The following KIRREL3 variants were observed in gnomAD, a reference collection of about 807,000 sequenced individuals.
The protein encoded by KIRREL3 is kirre like nephrin family adhesion molecule 3.
KIRREL3 carries 36 observed loss-of-function variants against 89.7 expected under a neutral mutation model. The ratio of observed to expected loss-of-function variants is 0.40; its 90% confidence interval spans 0.31 to 0.53. The LOEUF (loss-of-function observed/expected upper bound fraction) is 0.53, where lower values mean the gene tolerates loss of function less well. KIRREL3 is among the 20% of genes least tolerant of loss of function. The pLI is 0.49. For missense variants in KIRREL3, 864 were observed against 1,056.6 expected (o/e 0.82, Z 2.53); for synonymous variants, 445 against 441.4 (o/e 1.01, Z -0.10).
At chr11:126,973,592 C>T (rs1187014787) in intron 1 of KIRREL3, among the ~76,000 whole-genome samples, 4 of 152,100 alleles carry the variant, frequency 2.6e-5, no homozygotes, top group African/African-American at 7.2e-5. Context: ...GCAGAAATGG[C>T]GTGAATTTAG....
At position 126,930,220 on chromosome 11, in the gene KIRREL3, G is replaced by A. The variant is rs947449389; in HGVS notation, c.55+70235C>T. Among the ~76,000 whole-genome samples, 14 of 151,700 alleles carry A rather than the reference G, an allele frequency of 9.2e-5. No homozygotes were observed. The South Asian group carries it at 2.3e-3, about 25-fold the overall frequency. ...ACTGTAACTCAGGGTTGTTGTATGC[G>A]TGTGTATTTTTTTTCTTTCCAGATC... On this transcript the variant is annotated intron_variant, in intron 1 of 16. Transcript: ENST00000525144.
intron 1 of KIRREL3, among the ~76,000 whole-genome samples, chr11:126,868,377 G>C (rs891223788): frequency 1.3e-5 from 2 of 152,198 alleles, no homozygotes; most frequent in South Asian, 2.1e-4. Context: ...AGGCTGGAGA[G>C]GGCTCAGGAG....
chr11:127,000,517 C>A lies in KIRREL3; in HGVS notation c.-8G>T. 1.9e-6 allele frequency: 3 copies of A among 1,603,278 alleles called. No homozygotes were observed. Among genetic ancestry groups the A allele is most frequent in the Non-Finnish European group, 2.6e-6 (3 of 1,174,960 alleles). ...GAGCTGGAAGGGTTTCATTCCTTAG[C>A]GCAGCGAAGGAAAGCCGGCGGGGTA... On this transcript the variant is annotated 5_prime_UTR_variant, in exon 1 of 17. Transcript: ENST00000525144. This position sits in a 1 kb window ranked among gnomAD's most constrained non-coding sequence, Gnocchi z 7.1.
intron 1 of KIRREL3, among the ~76,000 whole-genome samples, chr11:126,637,211 C>G (rs1028087097): frequency 1.2e-4 from 19 of 152,220 alleles, no homozygotes; most frequent in Admixed American, 1.2e-3. Flanking sequence ...ATGGAACTTC[C>G]TCACTGGTAT....
At chr11:126,914,964 A>G (rs996224322) in intron 1 of KIRREL3, among the ~76,000 whole-genome samples, 2 of 152,252 alleles carry the variant, frequency 1.3e-5, no homozygotes, top group Admixed American at 1.3e-4. Context: ...ACAACTTGGC[A>G]GATGATGTCA....
chr11:126,736,609 C>G lies in KIRREL3; in HGVS notation c.56-173697G>C, dbSNP rs1238207634. On this transcript the variant is annotated intron_variant, in intron 1 of 16. Transcript: ENST00000525144. The surrounding 1 kb of genome is among the most constrained non-coding windows in gnomAD (Gnocchi z 5.0). ...AGTGGGGGAGTAGGGGTACCTGCTCCTGGCCTCCAGTGAGGAGCCCAGGGT... is the reference window on the plus strand; with the variant it reads ...AGTGGGGGAGTAGGGGTACCTGCTCGTGGCCTCCAGTGAGGAGCCCAGGGT... Among the ~76,000 whole-genome samples, 2 of 152,130 alleles carry G rather than the reference C, an allele frequency of 1.3e-5. No homozygotes were observed. Among genetic ancestry groups the G allele is most frequent in the East Asian group, 3.9e-4 (2 of 5,188 alleles).
At position 126,571,764 on chromosome 11, in the gene KIRREL3, G is replaced by A. The variant is rs1268617902; in HGVS notation, c.56-8852C>T. 6.6e-6 allele frequency among the ~76,000 whole-genome samples: 1 copy of A among 152,150 alleles called. No homozygotes were observed. The highest frequency in any genetic ancestry group is 1.9e-4 in the East Asian group (1 of 5,204). On this transcript the variant is annotated intron_variant, in intron 1 of 16. Coordinates refer to ENST00000525144, the MANE Select transcript of KIRREL3 (RefSeq NM_032531.4). The surrounding 1 kb of genome is among the most constrained non-coding windows in gnomAD (Gnocchi z 7.7). Reference sequence around the variant, plus strand: ...TATAATCCGTTTGTGAGAGGGGTGGGGCGGGGGGATGTTAAATAATGTTGG... The same window carrying A: ...TATAATCCGTTTGTGAGAGGGGTGGAGCGGGGGGATGTTAAATAATGTTGG...
At chr11:126,845,942 GAAAAAACACACAA>G (rs1256286119) in intron 1 of KIRREL3, among the ~76,000 whole-genome samples, 2 of 151,926 alleles carry the variant, frequency 1.3e-5, no homozygotes, top group Non-Finnish European at 1.5e-5. Flanking sequence ...TGTTTGGGGG[GAAAAAACACACAA>G]AAAAAACACA....
chr11:126,886,781 G>A (rs1447412120), intron 1 of KIRREL3, among the ~76,000 whole-genome samples: 1 of 152,148 alleles, frequency 6.6e-6, no homozygotes, highest in Non-Finnish European at 1.5e-5. Flanking sequence ...GTGACCCAGT[G>A]CCAGAATGGG....
chr11:126,670,860 AACAGTCACC>A (rs1223723786), intron 1 of KIRREL3, among the ~76,000 whole-genome samples: 1 of 152,242 alleles, frequency 6.6e-6, no homozygotes, highest in Non-Finnish European at 1.5e-5. Flanking sequence ...AAGGACCTAG[AACAGTCACC>A]ACAATACTAA....
rs1004209355 is a variant in KIRREL3, at chr11:126,827,527, A to G, written c.55+172928T>C. ...GGGGGCATTTTAGATTACCTTAGAGAATGATAATATTGCCTCTTCTAGGGG... is the reference window on the plus strand; with the variant it reads ...GGGGGCATTTTAGATTACCTTAGAGGATGATAATATTGCCTCTTCTAGGGG... On this transcript the variant is annotated intron_variant, in intron 1 of 16. Coordinates refer to ENST00000525144, the MANE Select transcript of KIRREL3 (RefSeq NM_032531.4). Among the ~76,000 whole-genome samples the G allele has an allele frequency of 3.3e-5, 5 of 152,258 alleles. 1 individual carries two copies. Among genetic ancestry groups the G allele is most frequent in the African/African-American group, 9.6e-5 (4 of 41,544 alleles).
intron 1 of KIRREL3, among the ~76,000 whole-genome samples, chr11:126,730,807 C>T (rs534575734): frequency 2.5e-4 from 38 of 152,110 alleles, no homozygotes; most frequent in African/African-American, 3.6e-4. Flanking sequence ...GGTGCCATCT[C>T]GGCTCACTGC....
chr11:126,549,044 A>G (rs748511074), intron 2 of KIRREL3, among the ~76,000 whole-genome samples: 1 of 152,144 alleles, frequency 6.6e-6, no homozygotes, highest in Admixed American at 6.5e-5. Context: ...TTTATGAATA[A>G]TGGTTGAGAA....
Position 126,622,875 on chromosome 11 carries a change from T to C in KIRREL3, c.56-59963A>G, listed in dbSNP as rs1943630453. Among the ~76,000 whole-genome samples the C allele has an allele frequency of 6.6e-6, 1 of 152,154 alleles. No individual in the cohort carries two copies. The stretch of plus-strand genomic sequence containing the variant: ...ATTTGCTTTATCTATATTAATTCTT[T>C]TCATCCTTATGAAAAGCAGATACTA... On this transcript the variant is annotated intron_variant, in intron 1 of 16. Coordinates refer to ENST00000525144, the MANE Select transcript of KIRREL3 (RefSeq NM_032531.4). This position sits in a 1 kb window ranked among gnomAD's most constrained non-coding sequence, Gnocchi z 5.2.
intron 1 of KIRREL3, among the ~76,000 whole-genome samples, chr11:126,800,655 G>A (rs1478556702): frequency 6.6e-6 from 1 of 152,096 alleles, no homozygotes; most frequent in Non-Finnish European, 1.5e-5. Flanking sequence ...ATTACCTCAG[G>A]AATAATGAGC....
intron 16 of KIRREL3, 37 bp from the exon 17 acceptor site, chr11:126,425,060 G>A: frequency 1.4e-6 from 2 of 1,471,878 alleles, no homozygotes; most frequent in Middle Eastern, 1.8e-4. Context: ...TCACCTGGTG[G>A]AGTCTCCACT....
In KIRREL3 at chr11:126,776,733, C is replaced by A. The variant is rs768195486; in HGVS notation, c.56-213821G>T. 6.6e-6 allele frequency among the ~76,000 whole-genome samples: 1 copy of A among 152,130 alleles called. No homozygotes were observed. Among genetic ancestry groups the A allele is most frequent in the Non-Finnish European group, 1.5e-5 (1 of 68,024 alleles). The stretch of plus-strand genomic sequence containing the variant: ...AACAGAGGGAATGCTTATGGAACAC[C>A]AACACCACTTCTTCTTTCACCAAGT... On this transcript the variant is annotated intron_variant, in intron 1 of 16. Coordinates refer to ENST00000525144, the MANE Select transcript of KIRREL3 (RefSeq NM_032531.4). This position sits in a 1 kb window ranked among gnomAD's most constrained non-coding sequence, Gnocchi z 4.7.
chr11:126,957,718 C>T (rs1948965804), intron 1 of KIRREL3, among the ~76,000 whole-genome samples: 1 of 152,174 alleles, frequency 6.6e-6, no homozygotes, highest in Admixed American at 6.5e-5. Context: ...TCTGCCTGGA[C>T]AGGAGAGAGC....
chr11:126,851,082 G>A (rs1944325007), intron 1 of KIRREL3, among the ~76,000 whole-genome samples: 1 of 152,206 alleles, frequency 6.6e-6, no homozygotes, highest in Non-Finnish European at 1.5e-5. Flanking sequence ...AACTGTCCCT[G>A]GTGGGGTTGG....
Sources: allele counts gnomAD v4.1 joint callset (sites outside exome capture counted in the v4.1 genomes callset), GRCh38; gene constraint gnomAD v4.1.1; non-coding constraint Gnocchi (gnomAD v3.1); transcripts MANE v1.5; gene names NCBI Gene and HGNC (gene_info 2026-07-23, HGNC 2026-07-21).